Variants in FBN3 observed in about 807,000 individuals in gnomAD.
FBN3 encodes fibrillin 3.
Under a neutral mutation model 330.1 loss-of-function variants are expected in FBN3, and 234 were observed. The ratio of observed to expected loss-of-function variants is 0.71; its 90% CI spans 0.64 to 0.79. The LOEUF (loss-of-function observed/expected upper bound fraction) is 0.79, where lower values mean the gene tolerates loss of function less well. FBN3 is among the 30% of genes least tolerant of loss of function. FBN3 has a pLI of 0.00. For synonymous variants in FBN3, 1,458 were observed against 1,517.3 expected (o/e 0.96, Z 0.91); for missense variants, 3,606 against 3,886.9 (o/e 0.93, Z 1.92).
In FBN3 at chr19:8,109,104, C is replaced by T. The variant is rs1030848935; in HGVS notation, c.4618+123G>A. 5 of 874,038 alleles carry T rather than the reference C, an allele frequency of 5.7e-6. No individual in the cohort carries two copies. Among genetic ancestry groups the T allele is most frequent in the Non-Finnish European group, 8.7e-6 (5 of 575,582 alleles). 54.1% of individuals were successfully genotyped at this position (874,038 alleles called of 1,614,324 possible). A position where few individuals can be genotyped will look rare whatever the true frequency, so the allele number is the denominator to read the frequency against. ...TGACCCAGGATGAGCCCCTCTCCTC[C>T]CCCAGTTCTTGGTTTTCCTGTCGCC... On this transcript the variant is annotated intron_variant, in intron 36 of 63. Transcript: ENST00000600128. The surrounding 1 kb of genome is among the most constrained non-coding windows in gnomAD (Gnocchi z 5.2).
chr19:8,095,882 T>C, intron 45 of FBN3, 82 bp downstream of exon 45: 1 of 864,440 alleles, frequency 1.2e-6, no homozygotes, highest in Non-Finnish European at 1.9e-6. Flanking sequence ...TCTGGGCATC[T>C]TTCTGTGGCC....
chr19:8,135,936 G>GGGGGGGGGGGGGCCCCCCCCCC, intron 13 of FBN3, 25 bp downstream of exon 13: 18 of 668,696 alleles, frequency 2.7e-5, no homozygotes, highest in East Asian at 1.2e-4. Flanking sequence ...GGAAGCCCCT[G>GGGGGGGGGGGGGCCCCCCCCCC]CCCACCCGCC....
At chr19:8,098,076 C>T (rs2082247934) in intron 41 of FBN3, among the ~76,000 whole-genome samples, 2 of 152,232 alleles carry the variant, frequency 1.3e-5, no homozygotes, top group African/African-American at 4.8e-5. Flanking sequence ...GGTTGTGTAA[C>T]ACTGTGAATG....
At position 8,082,426 on chromosome 19, in the gene FBN3, TTC is replaced by T. The variant is rs959823798; in HGVS notation, c.7213+819_7213+820del. 4.9e-4 allele frequency among the ~76,000 whole-genome samples: 73 copies of T among 150,286 alleles called. 1 individual carries two copies. The South Asian group carries it at 1.0e-2, about 21-fold the overall frequency. On this transcript the variant is annotated intron_variant, in intron 57 of 63. Transcript: ENST00000600128. ...CTTTCTCCCCTTTCTCTTTGTTTCT[TTC>T]TCTCTCTCTCTCTTCCTTCCTTCCC...
intron 20 of FBN3, 54 bp downstream of exon 20, chr19:8,126,413 GC>G: frequency 1.9e-6 from 3 of 1,590,846 alleles, no homozygotes; most frequent in Non-Finnish European, 8.6e-7. Context: ...GGGGGGACCC[GC>G]CCCATGGAGG....
Position 8,133,907 on chromosome 19 carries a change from C to A in FBN3, c.1592-801G>T, listed in dbSNP as rs1180995483. 2.0e-5 allele frequency among the ~76,000 whole-genome samples: 3 copies of A among 150,888 alleles called. No homozygotes were observed. In the Admixed American group the frequency reaches 2.0e-4, roughly 10 times the overall value. On this transcript the variant is annotated intron_variant, in intron 13 of 63. Transcript: ENST00000600128. ...TGTTTTCCAAAATGTCAGTTTTAAA[C>A]AATAAAGGACTGAACATACATTTAA...
chr19:8,085,713 G>T (rs1025343306), intron 55 of FBN3, 144 bp from the exon 56 acceptor site: 7 of 610,138 alleles, frequency 1.1e-5, no homozygotes, highest in Admixed American at 3.5e-5. Context: ...AGGACAGATG[G>T]CCCTAGTGGG....
intron 63 of FBN3, 77 bp downstream of exon 63, chr19:8,071,971 C>T: frequency 1.4e-6 from 2 of 1,440,930 alleles, no homozygotes; most frequent in Non-Finnish European, 1.9e-6. Flanking sequence ...GCTGACATGA[C>T]TAAGTCGGGT....
At chr19:8,079,670 A>G (rs907366536) in intron 59 of FBN3, among the ~76,000 whole-genome samples, 1 of 152,126 alleles carries the variant, frequency 6.6e-6, no homozygotes, top group Non-Finnish European at 1.5e-5. Flanking sequence ...GGCTCACTGC[A>G]ATCTCCACCT....
At chr19:8,136,628 A>G in intron 10 of FBN3, 97 bp from the exon 11 acceptor site, 1 of 1,510,882 alleles carries the variant, frequency 6.6e-7, no homozygotes, top group Admixed American at 1.8e-5. Context: ...ACCCCCTCTA[A>G]GGCTGGGACC....
Position 8,110,865 on chromosome 19 carries a change from C to G in FBN3, c.4313G>C (p.Arg1438Pro), listed in dbSNP as rs781626312. 6 of 1,614,248 alleles carry G rather than the reference C, an allele frequency of 3.7e-6. No homozygotes were observed. The highest frequency in any genetic ancestry group is 5.1e-6 in the Non-Finnish European group (6 of 1,180,048). Residue 1438 changes from arginine (R) to proline (P), a missense_variant, in exon 34 of 64, where the codon CGA becomes CCA. Transcript: ENST00000600128. ...CICNGGYELD[R>P]GGGNCTDINE... is the part of the protein sequence containing the mutation. Reference sequence around the variant, plus strand: ...CACACCTGTGCAGTTGCCACCCCCTCGGTCCAGTTCGTAGCCACCATTGCA... The same window carrying G: ...CACACCTGTGCAGTTGCCACCCCCTGGGTCCAGTTCGTAGCCACCATTGCA...
At chr19:8,118,757 G>T (rs368710361) in intron 26 of FBN3, 140 bp downstream of exon 26, 9 of 1,024,350 alleles carry the variant, frequency 8.8e-6, no homozygotes. Flanking sequence ...ACACTTGCAC[G>T]CTCACACATA....
chr19:8,085,410 T>C lies in FBN3; in HGVS notation c.7040A>G (p.Tyr2347Cys). The change falls in exon 56 of 64, where the codon TAC (tyrosine) becomes TGC (cysteine). Residue 2347 changes from tyrosine (Y) to cysteine (C), a missense_variant. Coordinates refer to ENST00000600128, the MANE Select transcript of FBN3 (RefSeq NM_032447.5). ...ELCPLPGTSA[Y>C]RKLCPHGSGY... Reference sequence around the variant, plus strand: ...TGAGCCATGGGGGCACAGCTTCCTGTAGGCAGAGGTGCCGGGCAGGGGACA... The same window carrying C: ...TGAGCCATGGGGGCACAGCTTCCTGCAGGCAGAGGTGCCGGGCAGGGGACA... 6.3e-7 allele frequency: 1 copy of C among 1,577,130 alleles called. No homozygotes were observed. The highest frequency in any genetic ancestry group is 1.2e-5 in the South Asian group (1 of 86,484).
chr19:8,135,705 A>T (rs1042931270), intron 13 of FBN3, among the ~76,000 whole-genome samples: 1 of 152,090 alleles, frequency 6.6e-6, no homozygotes, highest in Non-Finnish European at 1.5e-5. Context: ...TTACAGGCAT[A>T]AGGCACCAAG....
Position 8,130,689 on chromosome 19 carries a change from A to G in FBN3, c.2044+546T>C, listed in dbSNP as rs867658521. Reference sequence around the variant, plus strand: ...AGAAAAGAAAAGAAAAGAAAAGAAAAGAAAAGAAAAGAAAAGGAAGAAAAA... The same window carrying G: ...AGAAAAGAAAAGAAAAGAAAAGAAAGGAAAAGAAAAGAAAAGGAAGAAAAA... On this transcript the variant is annotated intron_variant, in intron 16 of 63. Coordinates refer to ENST00000600128, the MANE Select transcript of FBN3 (RefSeq NM_032447.5). 9.2e-4 allele frequency among the ~76,000 whole-genome samples: 125 copies of G among 136,572 alleles called. 1 individual carries two copies. The highest frequency in any genetic ancestry group is 3.6e-3 in the Middle Eastern group (1 of 274). 89.6% of individuals were successfully genotyped at this position (136,572 alleles called of 152,430 possible).
chr19:8,115,257 A>G (rs1023214716), intron 30 of FBN3, among the ~76,000 whole-genome samples: 3 of 152,216 alleles, frequency 2.0e-5, no homozygotes, highest in Admixed American at 2.0e-4. Context: ...TCATCCCTGT[A>G]TTGCATCAAA....
At position 8,089,639 on chromosome 19, in the gene FBN3, G is replaced by C. The variant is rs2144686242; in HGVS notation, c.6282C>G (p.Val2094=). The C allele has an allele frequency of 1.2e-6, 2 of 1,614,238 alleles. No homozygotes were observed. Among genetic ancestry groups the C allele is most frequent in the Non-Finnish European group, 1.7e-6 (2 of 1,180,032 alleles). ...TGTTGACACAGACGCCGTTAGTGCA[G>C]ACGCCAGGGTTCTCTGCACACTCAT... is the stretch of plus-strand genomic sequence containing the variant. ...DVNECAENPG[V]CTNGVCVNTD... is the part of the protein sequence containing the mutation. The change falls in exon 51 of 64, where the codon GTC becomes GTG. Residue 2094 remains valine (V), a synonymous_variant. Coordinates refer to ENST00000600128, the MANE Select transcript of FBN3 (RefSeq NM_032447.5).
chr19:8,104,046 G>A (rs1018918150), intron 38 of FBN3, among the ~76,000 whole-genome samples: 1 of 151,502 alleles, frequency 6.6e-6, no homozygotes, highest in African/African-American at 2.4e-5. Context: ...GATCACTTGA[G>A]TCCAGGAGGT....
intron 54 of FBN3, among the ~76,000 whole-genome samples, chr19:8,086,664 C>T (rs370773032): frequency 2.1e-5 from 3 of 145,176 alleles, no homozygotes; most frequent in African/African-American, 5.0e-5. Context: ...GACGGGGTTT[C>T]GCCGTGTTGT....
Sources: allele counts gnomAD v4.1 joint callset (sites outside exome capture counted in the v4.1 genomes callset), GRCh38; gene constraint gnomAD v4.1.1; non-coding constraint Gnocchi (gnomAD v3.1); transcripts MANE v1.5; gene names NCBI Gene and HGNC (gene_info 2026-07-23, HGNC 2026-07-21).